The following RAB3C variants were observed in gnomAD, a reference collection of about 807,000 sequenced individuals.
RAB3C encodes ras-related protein Rab-3C.
RAB3C carries 17 observed loss-of-function variants against 26.4 expected under a neutral mutation model. The observed-to-expected ratio is 0.64, with a 90% CI of 0.44 to 0.97. The LOEUF (loss-of-function observed/expected upper bound fraction) is 0.97, where lower values mean the gene tolerates loss of function less well. Among genes scored for constraint, RAB3C ranks in the 50% least tolerant of loss-of-function variants. The pLI is 0.00. For synonymous variants in RAB3C, 91 were observed against 95.9 expected (o/e 0.95, Z 0.30); for missense variants, 242 against 281.9 (o/e 0.86, Z 1.01).
At chr5:58,737,394 A>AATAT (rs55691242) in intron 3 of RAB3C, among the ~76,000 whole-genome samples, 19 of 38,258 alleles carry the variant, frequency 5.0e-4, no homozygotes, top group South Asian at 1.3e-3. Flanking sequence ...CACCCTATGA[A>AATAT]ATATATATAT....
chr5:58,845,612 A>ATGTGTGTGTGTGTGTGTGTGTGTG (rs1289870360), intron 4 of RAB3C, among the ~76,000 whole-genome samples: 1 of 81,736 alleles, frequency 1.2e-5, no homozygotes, highest in African/African-American at 5.8e-5. Context: ...ATATATATAT[A>ATGTGTGTGTGTGTGTGTGTGTGTG]TGTGTGTGTG....
intron 2 of RAB3C, among the ~76,000 whole-genome samples, chr5:58,707,856 C>G (rs1268936311): frequency 6.6e-6 from 1 of 152,148 alleles, no homozygotes; most frequent in Non-Finnish European, 1.5e-5. Flanking sequence ...TTTTTCCCCC[C>G]AGCCAGCTCT....
At chr5:58,663,071 G>A (rs1009309791) in intron 2 of RAB3C, among the ~76,000 whole-genome samples, 3 of 150,222 alleles carry the variant, frequency 2.0e-5, no homozygotes, top group African/African-American at 7.6e-5. Context: ...TAGTACTTCT[G>A]CATTTTTCTA....
rs1200045037 is a variant in RAB3C at position 58,852,599 on chromosome 5, A to G, written c.*1248A>G. The G allele has an allele frequency of 6.6e-6, 1 of 152,182 alleles. No individual in the cohort carries two copies. Among genetic ancestry groups the G allele is most frequent in the Non-Finnish European group, 1.5e-5 (1 of 68,026 alleles). The allele number at this position is 152,182 out of a possible 1,614,324, so 9.4% of individuals were successfully genotyped here. A position where few individuals can be genotyped will look rare whatever the true frequency, so the allele number is the denominator to read the frequency against. ...TCAATTTCAGAAATATTTAGGATCCATAGCAATTTAAAAGAGGGAGGAAAC... is the reference window on the plus strand; with the variant it reads ...TCAATTTCAGAAATATTTAGGATCCGTAGCAATTTAAAAGAGGGAGGAAAC... On this transcript the variant is annotated 3_prime_UTR_variant, in exon 5 of 5. Coordinates refer to ENST00000282878, the MANE Select transcript of RAB3C (RefSeq NM_138453.4).
At chr5:58,713,643 T>G (rs1749108763) in intron 2 of RAB3C, among the ~76,000 whole-genome samples, 1 of 152,176 alleles carries the variant, frequency 6.6e-6, no homozygotes, top group South Asian at 2.1e-4. Context: ...ATTCAACTCT[T>G]TAGAATTGAC....
chr5:58,630,338 G>A (rs747545543), intron 2 of RAB3C, among the ~76,000 whole-genome samples: 1 of 151,912 alleles, frequency 6.6e-6, no homozygotes, highest in Non-Finnish European at 1.5e-5. Flanking sequence ...AAACTATTGA[G>A]GTCATCAATG....
chr5:58,665,775 A>G (rs1747989712), intron 2 of RAB3C, among the ~76,000 whole-genome samples: 1 of 152,212 alleles, frequency 6.6e-6, no homozygotes, highest in East Asian at 1.9e-4. Context: ...TGCATGTTAA[A>G]GGTATCCCAT....
At chr5:58,734,531 C>T (rs754014978) in intron 3 of RAB3C, among the ~76,000 whole-genome samples, 4 of 152,064 alleles carry the variant, frequency 2.6e-5, no homozygotes, top group Non-Finnish European at 5.9e-5. Context: ...CTGGTCGGAC[C>T]CAACCATAGA....
intron 3 of RAB3C, among the ~76,000 whole-genome samples, chr5:58,771,837 CTTTT>C (rs1359471269): frequency 1.4e-5 from 2 of 147,340 alleles, no homozygotes; most frequent in Non-Finnish European, 3.0e-5. Context: ...TTTCTTTTTT[CTTTT>C]TCTTTTTCTT....
chr5:58,845,612 A>ATATGTGTGTG, intron 4 of RAB3C, among the ~76,000 whole-genome samples: 1 of 81,742 alleles, frequency 1.2e-5, no homozygotes, highest in African/African-American at 5.8e-5. Context: ...ATATATATAT[A>ATATGTGTGTG]TGTGTGTGTG....
intron 2 of RAB3C, among the ~76,000 whole-genome samples, chr5:58,719,755 A>C (rs1740702338): frequency 6.6e-6 from 1 of 151,832 alleles, no homozygotes; most frequent in South Asian, 2.1e-4. Context: ...TGAGTGTTAT[A>C]TCTCTAAAGT....
chr5:58,832,335 C>G (rs1174238216), intron 4 of RAB3C, among the ~76,000 whole-genome samples: 1 of 152,146 alleles, frequency 6.6e-6, no homozygotes, highest in Admixed American at 6.5e-5. Flanking sequence ...AATAAATGAG[C>G]CAAAGATTCT....
chr5:58,820,767 G>A (rs1167644986), intron 3 of RAB3C, among the ~76,000 whole-genome samples: 1 of 152,126 alleles, frequency 6.6e-6, no homozygotes, highest in African/African-American at 2.4e-5. Flanking sequence ...CAAATGAAGA[G>A]GATGGATCTC....
chr5:58,837,424 C>T (rs912556498), intron 4 of RAB3C, among the ~76,000 whole-genome samples: 30 of 152,036 alleles, frequency 2.0e-4, no homozygotes, highest in African/African-American at 5.8e-4. Context: ...TCAAGTGACC[C>T]GCCCCTCTTG....
intron 2 of RAB3C, among the ~76,000 whole-genome samples, chr5:58,646,493 C>T (rs570383401): frequency 1.3e-5 from 2 of 152,088 alleles, no homozygotes; most frequent in African/African-American, 4.8e-5. Flanking sequence ...AAGCTTCACA[C>T]CAGTAACCCA....
In RAB3C at chr5:58,608,839, C is replaced by T. The variant is rs183836181; in HGVS notation, c.25-8804C>T. On this transcript the variant is annotated intron_variant, in intron 1 of 4. Coordinates refer to ENST00000282878, the MANE Select transcript of RAB3C (RefSeq NM_138453.4). ...TTAAGAAAATGTGGCACATATACAC[C>T]GTGGAATACTATGCAGCCATAAAAA... Among the ~76,000 whole-genome samples the T allele has an allele frequency of 1.6e-3, 249 of 152,152 alleles. 1 individual carries two copies. The highest frequency in any genetic ancestry group is 5.3e-3 in the African/African-American group (218 of 41,508).
At chr5:58,805,364 G>A (rs899249075) in intron 3 of RAB3C, among the ~76,000 whole-genome samples, 1 of 152,012 alleles carries the variant, frequency 6.6e-6, no homozygotes, top group East Asian at 1.9e-4. Context: ...TGGACAGATT[G>A]TGAATTTGTA....
intron 2 of RAB3C, among the ~76,000 whole-genome samples, chr5:58,621,949 T>C (rs548984383): frequency 1.4e-4 from 21 of 152,340 alleles, no homozygotes; most frequent in Admixed American, 9.8e-4. Context: ...TACTTGATGG[T>C]TTGCTTTCTT....
intron 3 of RAB3C, among the ~76,000 whole-genome samples, chr5:58,767,204 A>G (rs1477896686): frequency 1.3e-5 from 2 of 152,214 alleles, no homozygotes; most frequent in Non-Finnish European, 2.9e-5. Context: ...AACACTTTGT[A>G]AAGAGGGTAA....
Sources: gnomAD v4.1 joint callset for allele counts (sites outside exome capture counted in the v4.1 genomes callset) on GRCh38, gnomAD v4.1.1 for gene constraint, MANE v1.5 for transcripts, NCBI Gene and HGNC (gene_info 2026-07-23, HGNC 2026-07-21) for gene names.